The following SHC3 variants were observed in gnomAD, a reference collection of about 807,000 sequenced individuals.
SHC3 encodes the protein SHC-transforming protein 3.
A neutral mutation model predicts 60.4 loss-of-function variants in SHC3; 15 were observed. That is an observed-to-expected ratio of 0.25 (90% CI 0.17 to 0.38). SHC3 has a LOEUF of 0.38. Ranked by LOEUF, SHC3 falls within the 10% of genes least tolerant of loss-of-function variation. SHC3 has a pLI of 1.00. For synonymous variants in SHC3, 294 were observed against 325.9 expected, an observed-to-expected ratio of 0.90 and a Z score of 1.05; for missense variants, 677 against 786.1, an observed-to-expected ratio of 0.86 and a Z score of 1.66.
At chr9:89,123,888 A>G (rs988350068) in intron 1 of SHC3, among the ~76,000 whole-genome samples, 1 of 152,178 alleles carries the variant, frequency 6.6e-6, no homozygotes, top group Non-Finnish European at 1.5e-5. Context: ...GACCTGATGG[A>G]AAATCTATTA....
chr9:89,105,777 T>A (rs1333333881), intron 2 of SHC3, among the ~76,000 whole-genome samples: 1 of 152,178 alleles, frequency 6.6e-6, no homozygotes, highest in African/African-American at 2.4e-5. Context: ...CTAGACAATA[T>A]CAGCTCAAGT....
At chr9:89,163,307 C>T (rs1339246923) in intron 1 of SHC3, among the ~76,000 whole-genome samples, 3 of 152,016 alleles carry the variant, frequency 2.0e-5, no homozygotes, top group South Asian at 2.1e-4. Flanking sequence ...ATGTTTATTG[C>T]GGCATTGTTC....
chr9:89,039,681 C>G (rs1564092211), intron 10 of SHC3, among the ~76,000 whole-genome samples: 1 of 151,692 alleles, frequency 6.6e-6, no homozygotes, highest in African/African-American at 2.4e-5. Context: ...ACCATCATAA[C>G]CATCATCATC....
intron 9 of SHC3, among the ~76,000 whole-genome samples, chr9:89,045,052 G>C (rs1463306977): frequency 6.6e-6 from 1 of 152,098 alleles, no homozygotes; most frequent in Non-Finnish European, 1.5e-5. Flanking sequence ...GAGTCACGGG[G>C]GCTCAACCTC....
chr9:89,126,524 C>T (rs772056003), intron 1 of SHC3, among the ~76,000 whole-genome samples: 5 of 152,136 alleles, frequency 3.3e-5, no homozygotes, highest in Admixed American at 6.5e-5. Context: ...AAAGGGGAAA[C>T]TTGAGAGCTG....
intron 4 of SHC3, among the ~76,000 whole-genome samples, chr9:89,072,829 T>G (rs1479271642): frequency 6.6e-6 from 1 of 152,180 alleles, no homozygotes; most frequent in Non-Finnish European, 1.5e-5. Flanking sequence ...TAATCATACA[T>G]CCCAGGGATT....
At chr9:89,061,752 G>A (rs976588966) in intron 6 of SHC3, among the ~76,000 whole-genome samples, 2 of 152,208 alleles carry the variant, frequency 1.3e-5, no homozygotes, top group Admixed American at 1.3e-4. Context: ...TGAGTGAGTA[G>A]TGTGATGGAA....
chr9:89,007,034 T>G lies in SHC3; in HGVS notation c.*6413A>C, dbSNP rs1825949015. The G allele has an allele frequency of 6.6e-6, 1 of 152,244 alleles. No homozygotes were observed. Among genetic ancestry groups the G allele is most frequent in the African/African-American group, 2.4e-5 (1 of 41,462 alleles). The allele number at this position is 152,244 out of a possible 1,614,324, so 9.4% of individuals were successfully genotyped here. On this transcript the variant is annotated 3_prime_UTR_variant, in exon 12 of 12. Coordinates refer to ENST00000375835, the MANE Select transcript of SHC3 (RefSeq NM_016848.6). Reference sequence around the variant, plus strand: ...ACAACAAAATAGACACCTAAAATTGTATGAGATTTTATTCCTGGTGCTTTT... The same window carrying G: ...ACAACAAAATAGACACCTAAAATTGGATGAGATTTTATTCCTGGTGCTTTT...
At chr9:89,141,047 G>A (rs186142391) in intron 1 of SHC3, among the ~76,000 whole-genome samples, 8 of 152,270 alleles carry the variant, frequency 5.3e-5, no homozygotes, top group African/African-American at 1.9e-4. Context: ...AGGCCAAACA[G>A]CCAATATTTC....
chr9:89,135,381 A>C (rs933624371), intron 1 of SHC3, among the ~76,000 whole-genome samples: 2 of 152,132 alleles, frequency 1.3e-5, no homozygotes, highest in African/African-American at 2.4e-5. Flanking sequence ...CAGGTATTTG[A>C]GGGTACAAAC....
chr9:89,013,432 G>A lies in SHC3; in HGVS notation c.*15C>T, dbSNP rs770127366. 7 of 1,599,948 alleles carry A rather than the reference G, an allele frequency of 4.4e-6. No individual in the cohort carries two copies. The highest frequency in any genetic ancestry group is 2.2e-5 in the South Asian group (2 of 89,274). ...CCTGACCTGGTGCGCAGTGCTGGGA[G>A]CAGTGCTGGCCAGGTCACTGCTTCC... On this transcript the variant is annotated 3_prime_UTR_variant, in exon 12 of 12. Transcript: ENST00000375835.
At chr9:89,060,855 G>C (rs1458158308) in intron 6 of SHC3, among the ~76,000 whole-genome samples, 1 of 152,142 alleles carries the variant, frequency 6.6e-6, no homozygotes, top group African/African-American at 2.4e-5. Flanking sequence ...GGAAGGCTTT[G>C]CCGGCAGGTG....
chr9:89,032,102 C>T (rs189363167), intron 11 of SHC3, among the ~76,000 whole-genome samples: 1 of 152,150 alleles, frequency 6.6e-6, no homozygotes, highest in Non-Finnish European at 1.5e-5. Flanking sequence ...ACAACACACA[C>T]GTGACTTGGC....
At chr9:89,164,483 C>T (rs565360773) in intron 1 of SHC3, among the ~76,000 whole-genome samples, 9 of 151,892 alleles carry the variant, frequency 5.9e-5, no homozygotes, top group South Asian at 2.1e-4. Context: ...GTTGGAGTAT[C>T]GGGGGGTAGG....
intron 4 of SHC3, among the ~76,000 whole-genome samples, chr9:89,074,616 A>G (rs1011587480): frequency 6.7e-6 from 1 of 149,530 alleles, no homozygotes; most frequent in Non-Finnish European, 1.5e-5. Context: ...TGGCTATTCC[A>G]TAGACAACAC....
At position 89,038,433 on chromosome 9, in the gene SHC3, A is replaced by T. The variant is rs9410452; in HGVS notation, c.1361-145T>A. On this transcript the variant is annotated intron_variant, in intron 10 of 11. Coordinates refer to ENST00000375835, the MANE Select transcript of SHC3 (RefSeq NM_016848.6). ...AAAACAAAAACCAATGGAGACAACT[A>T]ACTGGCTGGTAATATAACAAGAGCC... 3,535 of 874,716 alleles carry T rather than the reference A, an allele frequency of 4.0e-3. 8 individuals carry two copies. Among genetic ancestry groups the T allele is most frequent in the Admixed American group, 6.2e-3 (211 of 34,088 alleles). The allele number at this position is 874,716 out of a possible 1,614,324, so 54.2% of individuals were successfully genotyped here.
intron 6 of SHC3, among the ~76,000 whole-genome samples, chr9:89,063,161 C>T (rs955639899): frequency 1.3e-5 from 2 of 152,168 alleles, no homozygotes; most frequent in African/African-American, 4.8e-5. Context: ...GACGGAGTCT[C>T]GCTCTGTCGC....
chr9:89,020,333 G>A (rs376149539), intron 11 of SHC3, among the ~76,000 whole-genome samples: 1 of 152,174 alleles, frequency 6.6e-6, no homozygotes, highest in African/African-American at 2.4e-5. Flanking sequence ...AGCAGGGCAG[G>A]GAGGTGGGGT....
chr9:89,046,506 C>G (rs1205733979), intron 8 of SHC3, among the ~76,000 whole-genome samples: 2 of 152,110 alleles, frequency 1.3e-5, no homozygotes, highest in Non-Finnish European at 2.9e-5. Flanking sequence ...TTTCAGAGAA[C>G]CCAATGCCTC....
Sources: gnomAD v4.1 joint callset for allele counts (sites outside exome capture counted in the v4.1 genomes callset) on GRCh38, gnomAD v4.1.1 for gene constraint, MANE v1.5 for transcripts, NCBI Gene and HGNC (gene_info 2026-07-23, HGNC 2026-07-21) for gene names.